The following GMDS variants were observed in gnomAD, a reference collection of about 807,000 sequenced individuals.
The protein encoded by GMDS is GDP-mannose 4,6 dehydratase.
GMDS carries 20 observed loss-of-function variants against 49.9 expected under a neutral mutation model. The ratio of observed to expected loss-of-function variants is 0.40; its 90% confidence interval spans 0.28 to 0.58. The LOEUF is 0.58. Ranked by LOEUF, GMDS falls within the 20% of genes least tolerant of loss-of-function variation. GMDS has a pLI of 0.42. For missense variants in GMDS, 362 were observed against 481.4 expected (o/e 0.75, Z 2.32); for synonymous variants, 177 against 178.6 (o/e 0.99, Z 0.07).
chr6:2,181,833 A>G (rs899152164), intron 1 of GMDS, among the ~76,000 whole-genome samples: 1 of 152,192 alleles, frequency 6.6e-6, no homozygotes. Context: ...AATTAGACCA[A>G]CTAATAACCC....
chr6:1,830,456 A>C (rs1340231556), intron 7 of GMDS, among the ~76,000 whole-genome samples: 3 of 152,218 alleles, frequency 2.0e-5, no homozygotes, highest in Non-Finnish European at 4.4e-5. Context: ...AAGGAGAGGG[A>C]GTATGTGTAT....
intron 9 of GMDS, among the ~76,000 whole-genome samples, chr6:1,659,261 T>C (rs1468568689): frequency 1.3e-5 from 2 of 151,964 alleles, no homozygotes; most frequent in Non-Finnish European, 2.9e-5. Flanking sequence ...ATCATAAAAT[T>C]CACTCGTTTC....
At chr6:1,774,508 G>T (rs1768713456) in intron 7 of GMDS, among the ~76,000 whole-genome samples, 1 of 152,220 alleles carries the variant, frequency 6.6e-6, no homozygotes. Context: ...ATCTCTCACT[G>T]TGTTATTAAA....
chr6:1,751,496 T>G (rs987259182), intron 7 of GMDS, among the ~76,000 whole-genome samples: 2 of 152,180 alleles, frequency 1.3e-5, no homozygotes, highest in East Asian at 3.9e-4. Context: ...TTTTTTCATT[T>G]GTTTGTTTGT....
intron 9 of GMDS, among the ~76,000 whole-genome samples, chr6:1,694,282 T>C (rs182758090): frequency 2.4e-4 from 37 of 152,332 alleles, no homozygotes; most frequent in African/African-American, 8.7e-4. Context: ...CCGTTAATTT[T>C]AGGGTGGATC....
intron 4 of GMDS, among the ~76,000 whole-genome samples, chr6:2,029,540 T>C (rs1225998239): frequency 1.3e-5 from 2 of 152,218 alleles, no homozygotes; most frequent in African/African-American, 4.8e-5. Flanking sequence ...CAGGACAGTT[T>C]TGCCAACTGC....
intron 9 of GMDS, among the ~76,000 whole-genome samples, chr6:1,707,217 A>C (rs1765771255): frequency 6.6e-6 from 1 of 152,228 alleles, no homozygotes; most frequent in Admixed American, 6.5e-5. Context: ...GCTCACCAGA[A>C]CCACGTCTCT....
At chr6:2,005,582 T>G (rs939334657) in intron 4 of GMDS, among the ~76,000 whole-genome samples, 4 of 152,204 alleles carry the variant, frequency 2.6e-5, no homozygotes, top group Non-Finnish European at 5.9e-5. Flanking sequence ...AGTCTGTCAC[T>G]CGACTCACTC....
Position 1,629,942 on chromosome 6 carries a change from C to T in GMDS, c.988-5402G>A, listed in dbSNP as rs76066028. On this transcript the variant is annotated intron_variant, in intron 9 of 10. Transcript: ENST00000380815. ...AGCTTTCGTGGAAAGTAAATGAGAACGTGGTCTTCATTATATGCCTACTTG... is the reference window on the plus strand; with the variant it reads ...AGCTTTCGTGGAAAGTAAATGAGAATGTGGTCTTCATTATATGCCTACTTG... Among the ~76,000 whole-genome samples the T allele has an allele frequency of 6.1e-3, 926 of 152,210 alleles. 5 individuals are homozygous for T. The highest frequency in any genetic ancestry group is 9.1e-3 in the Non-Finnish European group (620 of 68,026).
rs544365940 is a variant in GMDS at position 2,061,644 on chromosome 6, C to T, written c.345+54127G>A. Among the ~76,000 whole-genome samples the T allele has an allele frequency of 8.5e-5, 12 of 140,382 alleles. No homozygotes were observed. In the South Asian group the frequency reaches 9.2e-4, roughly 11 times the overall value. The allele number at this position is 140,382 out of a possible 152,430, so 92.1% of individuals were successfully genotyped here. A position where few individuals can be genotyped will look rare whatever the true frequency, so the allele number is the denominator to read the frequency against. On this transcript the variant is annotated intron_variant, in intron 4 of 10. Coordinates refer to ENST00000380815, the MANE Select transcript of GMDS (RefSeq NM_001500.4). ...AGAGGCACAAGAAATGCTTGAACCT[C>T]GGAGACGGAGGTTGCAGTGAGCCGA...
intron 7 of GMDS, among the ~76,000 whole-genome samples, chr6:1,825,946 G>C (rs1771093883): frequency 6.6e-6 from 1 of 152,132 alleles, no homozygotes. Flanking sequence ...AACCTAGGAG[G>C]GGGAGGTGGC....
At chr6:2,109,171 C>G (rs985842465) in intron 4 of GMDS, among the ~76,000 whole-genome samples, 1 of 152,152 alleles carries the variant, frequency 6.6e-6, no homozygotes, top group Non-Finnish European at 1.5e-5. Context: ...GAACTGTGAG[C>G]AGGCAGCACA....
intron 4 of GMDS, among the ~76,000 whole-genome samples, chr6:1,997,740 C>T (rs1581486517): frequency 1.3e-5 from 2 of 152,108 alleles, no homozygotes; most frequent in South Asian, 4.2e-4. Context: ...TGAGCAGAGA[C>T]CCCTGGGAGA....
At chr6:2,136,355 T>C (rs1775999981) in intron 1 of GMDS, among the ~76,000 whole-genome samples, 1 of 152,156 alleles carries the variant, frequency 6.6e-6, no homozygotes, top group Non-Finnish European at 1.5e-5. Context: ...CGAAATTGAG[T>C]ATCCAAAAAA....
At chr6:1,884,362 G>A (rs1759500218) in intron 7 of GMDS, among the ~76,000 whole-genome samples, 1 of 152,186 alleles carries the variant, frequency 6.6e-6, no homozygotes, top group African/African-American at 2.4e-5. Flanking sequence ...GAGTTCTAAG[G>A]GGAGGAAATG....
intron 8 of GMDS, 47 bp from the exon 9 acceptor site, chr6:1,726,559 AT>A (rs1561760139): frequency 1.4e-6 from 2 of 1,413,838 alleles, no homozygotes; most frequent in South Asian, 2.3e-5. Flanking sequence ...GCTTGGGAAC[AT>A]TTGGCCATGC....
intron 7 of GMDS, among the ~76,000 whole-genome samples, chr6:1,876,422 C>T (rs947853269): frequency 2.0e-5 from 3 of 152,146 alleles, no homozygotes; most frequent in African/African-American, 7.2e-5. Context: ...GTAATCCTTA[C>T]GATATAATAA....
chr6:1,972,754 G>A (rs989582773), intron 4 of GMDS, among the ~76,000 whole-genome samples: 4 of 152,106 alleles, frequency 2.6e-5, no homozygotes, highest in East Asian at 1.9e-4. Flanking sequence ...TACAGTCGCC[G>A]CAGATGCCTG....
intron 7 of GMDS, among the ~76,000 whole-genome samples, chr6:1,898,132 C>T (rs2181632): frequency 0.22 from 3,164 of 14,492 alleles, 579 homozygotes; most frequent in South Asian, 0.44. Context: ...TGGACACCTA[C>T]CCTGGCCTCC....
Sources: gnomAD v4.1 joint callset for allele counts (sites outside exome capture counted in the v4.1 genomes callset) on GRCh38, gnomAD v4.1.1 for gene constraint, MANE v1.5 for transcripts, NCBI Gene and HGNC (gene_info 2026-07-23, HGNC 2026-07-21) for gene names.